Variants in CNTNAP2 observed in about 807,000 individuals in gnomAD.
CNTNAP2 encodes contactin associated protein 2.
Under a neutral mutation model 155.2 loss-of-function variants are expected in CNTNAP2, and 98 were observed. The observed-to-expected ratio is 0.63, with a 90% CI of 0.54 to 0.75. CNTNAP2 has a LOEUF of 0.75. Among genes scored for constraint, CNTNAP2 ranks in the 30% least tolerant of loss-of-function variants. The probability of loss-of-function intolerance (pLI) is 0.00; values close to 1 mark genes in which losing one functional copy is unlikely to be tolerated. For missense variants in CNTNAP2, 1,727 were observed against 1,688.1 expected (o/e 1.02, Z -0.40); for synonymous variants, 651 against 631.2 (o/e 1.03, Z -0.47).
In CNTNAP2 at chr7:147,814,155, G is replaced by A. The variant is rs114164097; in HGVS notation, c.2099-89410G>A. On this transcript the variant is annotated intron_variant, in intron 13 of 23. Coordinates refer to ENST00000361727, the MANE Select transcript of CNTNAP2 (RefSeq NM_014141.6). ...CCTCAGATCTTCCAAGGAATTTACA[G>A]GTGAAATACCATTCTAGTTCTTTTA... 7.9e-3 allele frequency among the ~76,000 whole-genome samples: 1,198 copies of A among 152,204 alleles called. 15 individuals are homozygous for A. The highest frequency in any genetic ancestry group is 0.027 in the African/African-American group (1,128 of 41,532).
At chr7:146,464,185 C>CTTTT (rs1554437059) in intron 1 of CNTNAP2, among the ~76,000 whole-genome samples, 3 of 90,898 alleles carry the variant, frequency 3.3e-5, no homozygotes, top group East Asian at 4.2e-4. Flanking sequence ...TCCTTTGAAA[C>CTTTT]TGTTTTTTTT....
intron 1 of CNTNAP2, among the ~76,000 whole-genome samples, chr7:146,749,936 G>A (rs1157438972): frequency 6.6e-6 from 1 of 152,142 alleles, no homozygotes; most frequent in African/African-American, 2.4e-5. Flanking sequence ...AGATAACCTA[G>A]TAGTGGTGAT....
intron 10 of CNTNAP2, among the ~76,000 whole-genome samples, chr7:147,452,764 A>G (rs548683064): frequency 2.0e-5 from 3 of 152,134 alleles, no homozygotes; most frequent in Non-Finnish European, 4.4e-5. Context: ...AGGTCTCCCT[A>G]GCTTACTGCC....
At chr7:147,656,293 T>C (rs145133286) in intron 13 of CNTNAP2, among the ~76,000 whole-genome samples, 2,528 of 152,334 alleles carry the variant, frequency 0.017, 219 homozygotes, top group Admixed American at 0.15. Context: ...CCTTTGAGAA[T>C]CTTTTCTTTG....
At chr7:146,444,359 C>T (rs1217810808) in intron 1 of CNTNAP2, among the ~76,000 whole-genome samples, 1 of 152,114 alleles carries the variant, frequency 6.6e-6, no homozygotes, top group Non-Finnish European at 1.5e-5. Context: ...AATGAACTGA[C>T]TTACATGAAT....
intron 3 of CNTNAP2, among the ~76,000 whole-genome samples, chr7:146,948,442 C>A (rs1221050866): frequency 2.0e-5 from 3 of 151,090 alleles, no homozygotes; most frequent in Non-Finnish European, 4.4e-5. Flanking sequence ...TTTGTTGTGT[C>A]ATTTTCTATT....
At chr7:148,217,615 T>C in intron 19 of CNTNAP2, 91 bp downstream of exon 19, 2 of 1,375,118 alleles carry the variant, frequency 1.5e-6, no homozygotes, top group Non-Finnish European at 2.1e-6. Flanking sequence ...TGGTTTGTTA[T>C]TTATTCCCCA....
In CNTNAP2 at chr7:148,337,899, A is replaced by T. The variant is rs1798148060; in HGVS notation, c.3476-45750A>T. On this transcript the variant is annotated intron_variant, in intron 21 of 23. Transcript: ENST00000361727. ...TCAGGGGGACTTTTTAAATGTCCTT[A>T]AACTTGATTAGTTTAATCTTTATTA... Among the ~76,000 whole-genome samples, 7 of 152,346 alleles carry T rather than the reference A, an allele frequency of 4.6e-5. No individual in the cohort carries two copies. The South Asian group carries it at 1.4e-3, about 32-fold the overall frequency.
chr7:147,759,268 C>T lies in CNTNAP2; in HGVS notation c.2098+119962C>T, dbSNP rs576503747. Among the ~76,000 whole-genome samples, 107 of 152,232 alleles carry T rather than the reference C, an allele frequency of 7.0e-4. 1 individual carries two copies. The highest frequency in any genetic ancestry group is 2.5e-3 in the African/African-American group (103 of 41,550). On this transcript the variant is annotated intron_variant, in intron 13 of 23. Transcript: ENST00000361727. The stretch of plus-strand genomic sequence containing the variant: ...AATCCATTTTAAATTCCCTTCATTT[C>T]TGCAGCCTGTTTCTCCAGACAACTC...
At chr7:146,834,099 A>G (rs778138313) in intron 2 of CNTNAP2, among the ~76,000 whole-genome samples, 1 of 151,718 alleles carries the variant, frequency 6.6e-6, no homozygotes, top group Non-Finnish European at 1.5e-5. Context: ...TTCACCTTGT[A>G]TTTTTGCTAA....
chr7:148,190,245 A>G (rs1795183183), intron 18 of CNTNAP2: 1 of 152,320 alleles, frequency 6.6e-6, no homozygotes. Flanking sequence ...TGAGGCCACC[A>G]TGCTCAAGGA....
At chr7:148,294,039 C>CAAAA (rs10607772) in intron 21 of CNTNAP2, among the ~76,000 whole-genome samples, 6 of 70,042 alleles carry the variant, frequency 8.6e-5, no homozygotes, top group East Asian at 5.0e-4. Flanking sequence ...GGCTCCATCT[C>CAAAA]AAAAAAAAAA....
At chr7:147,616,143 A>G (rs920093766) in intron 12 of CNTNAP2, among the ~76,000 whole-genome samples, 1 of 152,212 alleles carries the variant, frequency 6.6e-6, no homozygotes, top group Non-Finnish European at 1.5e-5. Flanking sequence ...TTTAAAGTCT[A>G]TTTTAAAATA....
intron 10 of CNTNAP2, among the ~76,000 whole-genome samples, chr7:147,467,608 A>C (rs1798142983): frequency 1.3e-5 from 2 of 152,224 alleles, no homozygotes; most frequent in Non-Finnish European, 2.9e-5. Context: ...GGATACATTA[A>C]AAGCTCAGAC....
chr7:146,463,724 G>GTA (rs764002939), intron 1 of CNTNAP2, among the ~76,000 whole-genome samples: 10 of 151,702 alleles, frequency 6.6e-5, no homozygotes, highest in Non-Finnish European at 1.0e-4. Flanking sequence ...GTATATGTGT[G>GTA]TATATATATA....
chr7:147,214,806 A>G (rs1448184240), intron 8 of CNTNAP2, among the ~76,000 whole-genome samples: 2 of 152,156 alleles, frequency 1.3e-5, no homozygotes, highest in Admixed American at 6.6e-5. Flanking sequence ...TCACACTGCT[A>G]TGAAGAACTA....
At chr7:146,997,584 G>A (rs1196094804) in intron 3 of CNTNAP2, among the ~76,000 whole-genome samples, 1 of 152,074 alleles carries the variant, frequency 6.6e-6, no homozygotes, top group Non-Finnish European at 1.5e-5. Flanking sequence ...GGGTTTGGAA[G>A]TATTTTTTTC....
intron 13 of CNTNAP2, among the ~76,000 whole-genome samples, chr7:147,744,244 T>C (rs977186138): frequency 1.3e-5 from 2 of 152,106 alleles, no homozygotes; most frequent in African/African-American, 4.8e-5. Flanking sequence ...CATCTGCCCC[T>C]TTTTACAAGG....
chr7:147,304,043 GAAGTT>G (rs1794986289), intron 9 of CNTNAP2, among the ~76,000 whole-genome samples: 1 of 152,076 alleles, frequency 6.6e-6, no homozygotes, highest in Non-Finnish European at 1.5e-5. Flanking sequence ...TGTTTCTTTT[GAAGTT>G]AAGTCCCGGT....
Sources: allele counts gnomAD v4.1 joint callset (sites outside exome capture counted in the v4.1 genomes callset), GRCh38; gene constraint gnomAD v4.1.1; transcripts MANE v1.5; gene names NCBI Gene and HGNC (gene_info 2026-07-23, HGNC 2026-07-21).